The following RIC1 variants were observed in gnomAD, a reference collection of about 807,000 sequenced individuals.
RIC1 encodes the protein guanine nucleotide exchange factor subunit RIC1.
In RIC1, 88 loss-of-function variants were observed where a neutral mutation model predicts 169.0. The ratio of observed to expected loss-of-function variants is 0.52; its 90% CI spans 0.44 to 0.62. The LOEUF (loss-of-function observed/expected upper bound fraction) is 0.62, where lower values mean the gene tolerates loss of function less well. RIC1 is among the 20% of genes least tolerant of loss of function. The pLI, the probability that RIC1 is intolerant of heterozygous loss-of-function variation, is 0.00. For synonymous variants in RIC1, 790 were observed against 601.5 expected (o/e 1.31, Z -4.59); for missense variants, 1,877 against 1,725.5 (o/e 1.09, Z -1.56).
chr9:5,646,172 A>T (rs961502976), intron 1 of RIC1, among the ~76,000 whole-genome samples: 5 of 152,048 alleles, frequency 3.3e-5, no homozygotes, highest in African/African-American at 1.2e-4. Context: ...CCTAATGGTT[A>T]TTAATGTCGA....
intron 14 of RIC1, 64 bp downstream of exon 14, chr9:5,753,710 GC>G: frequency 2.7e-6 from 2 of 739,488 alleles, no homozygotes; most frequent in Non-Finnish European, 4.3e-6. Context: ...ATATGAAATA[GC>G]TATAAAGTTT....
chr9:5,701,356 A>G (rs1822205430), intron 3 of RIC1, among the ~76,000 whole-genome samples: 1 of 152,188 alleles, frequency 6.6e-6, no homozygotes, highest in Admixed American at 6.5e-5. Flanking sequence ...CACGCCTGCA[A>G]TCTCAGCACT....
rs777059365 is a variant in RIC1, at chr9:5,747,512, C to T, written c.1452+7C>T. On this transcript the variant is annotated splice_region_variant and intron_variant, in intron 12 of 25. Transcript: ENST00000414202. ...GCATTGGCATGTTGTACAGGTAAAT[C>T]TTTAGTTACTGATTACTAGAGACTT... is the stretch of plus-strand genomic sequence containing the variant. 1 of 1,604,632 alleles carries T rather than the reference C, an allele frequency of 6.2e-7. No individual in the cohort carries two copies. The highest frequency in any genetic ancestry group is 1.3e-5 in the African/African-American group (1 of 74,832).
intron 1 of RIC1, among the ~76,000 whole-genome samples, chr9:5,635,125 G>A (rs1465399012): frequency 1.3e-5 from 2 of 152,092 alleles, no homozygotes; most frequent in African/African-American, 4.8e-5. Flanking sequence ...GTAGCTGGGA[G>A]TACAGATGCA....
intron 1 of RIC1, among the ~76,000 whole-genome samples, chr9:5,629,775 A>G (rs963963378): frequency 6.6e-6 from 1 of 151,940 alleles, no homozygotes; most frequent in Non-Finnish European, 1.5e-5. Flanking sequence ...CCCTTCCCCC[A>G]TTCCCCGAGG....
At chr9:5,711,767 T>G (rs945775314) in intron 3 of RIC1, among the ~76,000 whole-genome samples, 2 of 152,142 alleles carry the variant, frequency 1.3e-5, no homozygotes, top group African/African-American at 2.4e-5. Flanking sequence ...GATGGTCCCT[T>G]TCCTGTGTCC....
intron 3 of RIC1, among the ~76,000 whole-genome samples, chr9:5,696,311 C>G (rs1171826009): frequency 6.6e-6 from 1 of 151,848 alleles, no homozygotes; most frequent in East Asian, 1.9e-4. Flanking sequence ...CATTTAGAAC[C>G]TACTTTCTCC....
In RIC1 at chr9:5,696,181, C is replaced by T. The variant is rs1012964113; in HGVS notation, c.332+6143C>T. 1.5e-4 allele frequency among the ~76,000 whole-genome samples: 23 copies of T among 152,124 alleles called. 1 individual carries two copies. Among genetic ancestry groups the T allele is most frequent in the Middle Eastern group, 3.4e-3 (1 of 294 alleles). On this transcript the variant is annotated intron_variant, in intron 3 of 25. Transcript: ENST00000414202. ...TCCTCCTCCTTGTCTATTAAAAAAG[C>T]TTATTCACTAACTCATTTCTCTTCC...
At chr9:5,657,098 T>C (rs181685950) in intron 2 of RIC1, among the ~76,000 whole-genome samples, 2 of 152,204 alleles carry the variant, frequency 1.3e-5, no homozygotes, top group Non-Finnish European at 2.9e-5. Context: ...CTTTACTGTT[T>C]TGTCCTTGAA....
chr9:5,756,236 A>G lies in RIC1; in HGVS notation c.1717A>G (p.Asn573Asp). The G allele has an allele frequency of 6.3e-7, 1 of 1,588,578 alleles. No homozygotes were observed. The highest frequency in any genetic ancestry group is 1.2e-5 in the South Asian group (1 of 86,280). ...EELRVYLRTS[N>D]LDNAFAHVTK... ...GCTTAGAGTATACTTGCGAACATCA[A>G]ATCTGGACAATGCCTTTGCTCATGT... The change falls in exon 16 of 26, where the codon AAT becomes GAT. Residue 573 changes from asparagine to aspartate, a missense_variant. By Grantham distance (23) the Asn-to-Asp change is conservative (BLOSUM62 1). Coordinates refer to ENST00000414202, the MANE Select transcript of RIC1 (RefSeq NM_020829.4).
intron 6 of RIC1, among the ~76,000 whole-genome samples, chr9:5,721,895 T>C (rs2130871412): frequency 6.6e-6 from 1 of 151,960 alleles, no homozygotes; most frequent in East Asian, 1.9e-4. Flanking sequence ...TGTTTTCTTT[T>C]TTTTTTTTTT....
rs117233659 is a variant in RIC1, at chr9:5,731,974, A to C, written c.721-414A>C. On this transcript the variant is annotated intron_variant, in intron 6 of 25. Coordinates refer to ENST00000414202, the MANE Select transcript of RIC1 (RefSeq NM_020829.4). ...AAGAATAAACCAAACAGAATGTACT[A>C]CTTTTCACTGACTGAGAAGTTAAAT... 4.5e-3 allele frequency among the ~76,000 whole-genome samples: 684 copies of C among 152,314 alleles called. 5 individuals are homozygous for C. Among genetic ancestry groups the C allele is most frequent in the South Asian group, 0.028 (135 of 4,822 alleles).
At chr9:5,650,598 G>A (rs182105949) in intron 1 of RIC1, among the ~76,000 whole-genome samples, 1 of 152,130 alleles carries the variant, frequency 6.6e-6, no homozygotes, top group East Asian at 1.9e-4. Flanking sequence ...GCAGTGTCAG[G>A]AACATTGACA....
chr9:5,702,567 TCTCA>T (rs1822294031), intron 3 of RIC1, among the ~76,000 whole-genome samples: 1 of 152,052 alleles, frequency 6.6e-6, no homozygotes, highest in African/African-American at 2.4e-5. Context: ...TGAGACAGAG[TCTCA>T]CTCTGTTGCC....
At chr9:5,678,235 T>A (rs552666070) in intron 2 of RIC1, among the ~76,000 whole-genome samples, 4 of 152,222 alleles carry the variant, frequency 2.6e-5, no homozygotes, top group Non-Finnish European at 5.9e-5. Flanking sequence ...ATTTTCTTAA[T>A]CCAGTCTATC....
At chr9:5,734,379 C>T (rs1314684145) in intron 7 of RIC1, among the ~76,000 whole-genome samples, 1 of 152,026 alleles carries the variant, frequency 6.6e-6, no homozygotes, top group African/African-American at 2.4e-5. Flanking sequence ...GCTGTGATTA[C>T]AGGTGTGAGC....
At chr9:5,733,114 G>T (rs1463576207) in intron 7 of RIC1, among the ~76,000 whole-genome samples, 1 of 151,568 alleles carries the variant, frequency 6.6e-6, no homozygotes, top group Non-Finnish European at 1.5e-5. Flanking sequence ...ATAATGCCTT[G>T]CAATGTATAT....
At chr9:5,720,585 C>T (rs201235224) in intron 5 of RIC1, 29 bp from the exon 6 acceptor site, 33 of 1,561,618 alleles carry the variant, frequency 2.1e-5, no homozygotes, top group Non-Finnish European at 2.8e-5. Context: ...ATTCTTAATC[C>T]TATTTCATGT....
chr9:5,695,730 C>G (rs867332572), intron 3 of RIC1, among the ~76,000 whole-genome samples: 9 of 151,966 alleles, frequency 5.9e-5, no homozygotes, highest in African/African-American at 2.2e-4. Context: ...ACCACCACAC[C>G]TAGCTAATTT....
Sources: gnomAD v4.1 joint callset for allele counts (sites outside exome capture counted in the v4.1 genomes callset) on GRCh38, gnomAD v4.1.1 for gene constraint, MANE v1.5 for transcripts, NCBI Gene and HGNC (gene_info 2026-07-23, HGNC 2026-07-21) for gene names.